Variants in GLIPR1L2 observed in about 807,000 individuals in gnomAD.
GLIPR1L2 encodes GLIPR1 like 2, also known as GLIPR1-like protein 2.
A neutral mutation model predicts 28.4 loss-of-function variants in GLIPR1L2; 21 were observed. That is an observed-to-expected ratio of 0.74 (90% CI 0.52 to 1.06). GLIPR1L2 has a LOEUF of 1.06. Ranked by LOEUF, GLIPR1L2 falls within the 50% of genes least tolerant of loss-of-function variation. The probability of loss-of-function intolerance (pLI) is 0.00; values close to 1 mark genes in which losing one functional copy is unlikely to be tolerated. For missense variants in GLIPR1L2, 476 were observed against 416.9 expected, an observed-to-expected ratio of 1.14 and a Z score of -1.23; for synonymous variants, 145 against 139.3, an observed-to-expected ratio of 1.04 and a Z score of -0.29.
intron 1 of GLIPR1L2, among the ~76,000 whole-genome samples, chr12:75,405,996 G>GT (rs35050395): frequency 0.012 from 1,670 of 137,378 alleles, 19 homozygotes; most frequent in African/African-American, 0.027. Context: ...ATTGTCAAAA[G>GT]TTTTTTTTTT....
chr12:75,416,456 A>G (rs896024016), intron 3 of GLIPR1L2, among the ~76,000 whole-genome samples: 2 of 152,098 alleles, frequency 1.3e-5, no homozygotes, highest in Non-Finnish European at 2.9e-5. Flanking sequence ...GCTATTTTAA[A>G]CTAAGGCAAA....
chr12:75,426,284 C>T (rs1219327188), intron 4 of GLIPR1L2, among the ~76,000 whole-genome samples: 1 of 152,102 alleles, frequency 6.6e-6, no homozygotes, highest in Non-Finnish European at 1.5e-5. Context: ...GTTTAACAGT[C>T]TGGGTTGAAT....
chr12:75,413,703 TA>T lies in GLIPR1L2; in HGVS notation c.584+4del. 7.5e-7 allele frequency: 1 copy of T among 1,337,552 alleles called. No individual in the cohort carries two copies. Among genetic ancestry groups the T allele is most frequent in the Non-Finnish European group, 1.0e-6 (1 of 993,574 alleles). The allele number at this position is 1,337,552 out of a possible 1,614,324, so 82.9% of individuals were successfully genotyped here. On this transcript the variant is annotated splice_donor_region_variant and intron_variant, in intron 3 of 5. Coordinates refer to ENST00000550916, the MANE Select transcript of GLIPR1L2 (RefSeq NM_001270396.2). ...TTTCATATGCAACTATGCGCCAGGG[TA>T]AGTTACTTAAAATTAATAAAAGAAT...
intron 4 of GLIPR1L2, 42 bp downstream of exon 4, chr12:75,423,031 T>G: frequency 6.6e-7 from 1 of 1,515,668 alleles, no homozygotes; most frequent in Non-Finnish European, 9.1e-7. Context: ...GCATAATGGA[T>G]TGGACAAGAA....
intron 1 of GLIPR1L2, among the ~76,000 whole-genome samples, chr12:75,399,109 A>G (rs2139922210): frequency 6.6e-6 from 1 of 152,282 alleles, no homozygotes; most frequent in Middle Eastern, 3.4e-3. Context: ...AGGTTGTTTT[A>G]AAAATAAATA....
intron 1 of GLIPR1L2, among the ~76,000 whole-genome samples, chr12:75,402,371 G>A (rs965905478): frequency 6.6e-6 from 1 of 152,024 alleles, no homozygotes; most frequent in Non-Finnish European, 1.5e-5. Flanking sequence ...GTTTCTGTGT[G>A]TTTAAAAAAT....
intron 4 of GLIPR1L2, among the ~76,000 whole-genome samples, chr12:75,426,643 G>T (rs935506242): frequency 2.1e-4 from 32 of 152,126 alleles, no homozygotes; most frequent in African/African-American, 7.7e-4. Context: ...ATACAAAATT[G>T]ACTTCACACT....
intron 1 of GLIPR1L2, among the ~76,000 whole-genome samples, chr12:75,399,674 T>C (rs954721142): frequency 6.6e-6 from 1 of 152,368 alleles, no homozygotes; most frequent in Middle Eastern, 3.4e-3. Flanking sequence ...TGTTCCCAGT[T>C]TGTCAGTTTT....
intron 3 of GLIPR1L2, among the ~76,000 whole-genome samples, chr12:75,422,142 C>T (rs1337220806): frequency 1.3e-5 from 2 of 151,652 alleles, no homozygotes; most frequent in Admixed American, 6.6e-5. Flanking sequence ...AGGCACGCAC[C>T]ATGCCCGGCT....
At chr12:75,407,175 T>C (rs1485113782) in intron 1 of GLIPR1L2, among the ~76,000 whole-genome samples, 1 of 152,130 alleles carries the variant, frequency 6.6e-6, no homozygotes, top group Non-Finnish European at 1.5e-5. Flanking sequence ...TCCATGGCTA[T>C]AAATCCCCAC....
chr12:75,423,041 A>G (rs1429371645), intron 4 of GLIPR1L2, 52 bp downstream of exon 4: 1 of 1,606,800 alleles, frequency 6.2e-7, no homozygotes. Context: ...TTGGACAAGA[A>G]AAATAAGCGA....
intron 1 of GLIPR1L2, among the ~76,000 whole-genome samples, chr12:75,403,859 A>C (rs1302876472): frequency 6.6e-6 from 1 of 152,202 alleles, no homozygotes. Flanking sequence ...CCTGAGACTA[A>C]AAAGGAAAAA....
At chr12:75,419,961 G>A (rs1405534363) in intron 3 of GLIPR1L2, among the ~76,000 whole-genome samples, 1 of 152,144 alleles carries the variant, frequency 6.6e-6, no homozygotes, top group Non-Finnish European at 1.5e-5. Context: ...TGCCTACACT[G>A]TATTTCTCTT....
intron 4 of GLIPR1L2, among the ~76,000 whole-genome samples, chr12:75,429,136 T>G (rs1594035310): frequency 1.3e-5 from 2 of 152,158 alleles, no homozygotes; most frequent in East Asian, 1.9e-4. Flanking sequence ...TTGCACTATG[T>G]GCCTGGAAAA....
intron 1 of GLIPR1L2, among the ~76,000 whole-genome samples, chr12:75,409,622 A>G (rs1238526379): frequency 6.9e-6 from 1 of 145,756 alleles, no homozygotes; most frequent in Non-Finnish European, 1.5e-5. Context: ...TTATTCTCTA[A>G]TCTTATATAT....
At chr12:75,406,776 AGAG>A (rs1232225360) in intron 1 of GLIPR1L2, among the ~76,000 whole-genome samples, 16,181 of 118,874 alleles carry the variant, frequency 0.14, 1,184 homozygotes, top group Admixed American at 0.2. Context: ...AAAAAAAAAG[AGAG>A]AGAGAGAGAA....
At chr12:75,416,441 A>G (rs1220359563) in intron 3 of GLIPR1L2, among the ~76,000 whole-genome samples, 1 of 152,082 alleles carries the variant, frequency 6.6e-6, no homozygotes, top group Non-Finnish European at 1.5e-5. Flanking sequence ...GTCCTGGGGC[A>G]CTACGCTATT....
intron 4 of GLIPR1L2, 173 bp downstream of exon 4, chr12:75,423,162 T>C (rs2045996608): frequency 6.8e-7 from 1 of 1,471,646 alleles, no homozygotes; most frequent in Admixed American, 2.8e-5. Context: ...TTTTCTAAAC[T>C]GCAGAGCTTT....
At chr12:75,419,103 A>G (rs746356531) in intron 3 of GLIPR1L2, among the ~76,000 whole-genome samples, 1 of 152,198 alleles carries the variant, frequency 6.6e-6, no homozygotes, top group South Asian at 2.1e-4. Flanking sequence ...TGGCACATGT[A>G]TACCTATGTA....
Sources: allele counts gnomAD v4.1 joint callset (sites outside exome capture counted in the v4.1 genomes callset), GRCh38; gene constraint gnomAD v4.1.1; transcripts MANE v1.5; gene names NCBI Gene and HGNC (gene_info 2026-07-23, HGNC 2026-07-21).